The following FLT1 variants were observed in gnomAD, a reference collection of about 807,000 sequenced individuals.
The protein encoded by FLT1 is vascular endothelial growth factor receptor 1.
FLT1 carries 49 observed loss-of-function variants against 156.3 expected under a neutral mutation model. That is an observed-to-expected ratio of 0.31 (90% CI 0.25 to 0.40). The LOEUF (loss-of-function observed/expected upper bound fraction) is 0.40. FLT1 is among the 10% of genes least tolerant of loss of function. The pLI is 1.00. For missense variants in FLT1, 1,322 were observed against 1,637.2 expected, an observed-to-expected ratio of 0.81 and a Z score of 3.32; for synonymous variants, 594 against 583.8, an observed-to-expected ratio of 1.02 and a Z score of -0.25.
At chr13:28,348,912 G>A (rs1003471277) in intron 15 of FLT1, among the ~76,000 whole-genome samples, 2 of 140,604 alleles carry the variant, frequency 1.4e-5, no homozygotes, top group African/African-American at 2.9e-5. Flanking sequence ...GCGAGACTCC[G>A]TCTCAAAAAA....
At position 28,450,216 on chromosome 13, in the gene FLT1, T is replaced by C. The variant is rs570221111; in HGVS notation, c.389-11871A>G. On this transcript the variant is annotated intron_variant, in intron 3 of 29. Transcript: ENST00000282397. Reference sequence around the variant, plus strand: ...CACACCTCACACACAAGAATGCTCATGTTGATTAGAGGAAACAGTACTGAT... The same window carrying C: ...CACACCTCACACACAAGAATGCTCACGTTGATTAGAGGAAACAGTACTGAT... Among the ~76,000 whole-genome samples the C allele has an allele frequency of 5.3e-4, 81 of 152,224 alleles. 1 individual carries two copies. The highest frequency in any genetic ancestry group is 1.8e-3 in the African/African-American group (75 of 41,534).
rs903344244 is a variant in FLT1 at position 28,439,880 on chromosome 13, T to C, written c.389-1535A>G. 1.3e-5 allele frequency among the ~76,000 whole-genome samples: 2 copies of C among 152,320 alleles called. No homozygotes were observed. The highest frequency in any genetic ancestry group is 6.5e-5 in the Admixed American group (1 of 15,300). ...TAGAGTTTCCAGAACTGTGAGATAATACATTTCTGTAGTTTTAAGCCAAAA... is the reference window on the plus strand; with the variant it reads ...TAGAGTTTCCAGAACTGTGAGATAACACATTTCTGTAGTTTTAAGCCAAAA... On this transcript the variant is annotated intron_variant, in intron 3 of 29. Coordinates refer to ENST00000282397, the MANE Select transcript of FLT1 (RefSeq NM_002019.4). This position sits in a 1 kb window ranked among gnomAD's most constrained non-coding sequence, Gnocchi z 4.1.
At chr13:28,488,665 C>T (rs570291830) in intron 1 of FLT1, among the ~76,000 whole-genome samples, 1 of 152,042 alleles carries the variant, frequency 6.6e-6, no homozygotes, top group Non-Finnish European at 1.5e-5. Context: ...CCAGCTCGAG[C>T]CCAAGCCATG....
At chr13:28,469,297 G>T (rs1192016743) in intron 1 of FLT1, among the ~76,000 whole-genome samples, 4 of 152,180 alleles carry the variant, frequency 2.6e-5, no homozygotes. Flanking sequence ...GGTCATGGAG[G>T]GTTTACCATT....
chr13:28,470,393 G>A (rs1593830743), intron 1 of FLT1, among the ~76,000 whole-genome samples: 1 of 152,096 alleles, frequency 6.6e-6, no homozygotes, highest in South Asian at 2.1e-4. Flanking sequence ...GAACTCTGGG[G>A]ATTTAATTGA....
intron 4 of FLT1, among the ~76,000 whole-genome samples, chr13:28,434,776 G>C (rs186784252): frequency 6.6e-6 from 1 of 152,144 alleles, no homozygotes; most frequent in South Asian, 2.1e-4. Context: ...CCAGCCTCTC[G>C]GGAGGCTGAG....
At chr13:28,334,759 G>A (rs1363001798) in intron 17 of FLT1, among the ~76,000 whole-genome samples, 1 of 152,174 alleles carries the variant, frequency 6.6e-6, no homozygotes, top group Non-Finnish European at 1.5e-5. Flanking sequence ...CCCCAGAGAG[G>A]TAGTTGCTAA....
In FLT1 at chr13:28,432,332, G is replaced by A. The variant is rs561600985; in HGVS notation, c.814-1022C>T. ...TCCCCATTGGAACAGACAGACACAT[G>A]TTGAGGCCATTTTCTTCATTCTCAG... On this transcript the variant is annotated intron_variant, in intron 6 of 29. Transcript: ENST00000282397. Among the ~76,000 whole-genome samples the A allele has an allele frequency of 5.9e-5, 9 of 152,224 alleles. No homozygotes were observed. The South Asian group carries it at 1.9e-3, about 32-fold the overall frequency.
chr13:28,426,211 G>A (rs1174899973), intron 10 of FLT1, among the ~76,000 whole-genome samples: 1 of 150,762 alleles, frequency 6.6e-6, no homozygotes, highest in Non-Finnish European at 1.5e-5. Flanking sequence ...AAATAGTTTG[G>A]CATAATGATA....
intron 14 of FLT1, among the ~76,000 whole-genome samples, chr13:28,376,631 T>C (rs1262155980): frequency 6.6e-6 from 1 of 152,210 alleles, no homozygotes; most frequent in Non-Finnish European, 1.5e-5. Flanking sequence ...ATAGGCCTTC[T>C]GCCATATATT....
intron 10 of FLT1, among the ~76,000 whole-genome samples, chr13:28,411,460 C>A (rs568027889): frequency 2.0e-5 from 3 of 147,712 alleles, no homozygotes; most frequent in Admixed American, 1.4e-4. Flanking sequence ...GCAGGAGAAT[C>A]GCTTGAACCT....
At chr13:28,387,471 C>T (rs928493057) in intron 13 of FLT1, 26 of 1,059,464 alleles carry the variant, frequency 2.5e-5, no homozygotes, top group Middle Eastern at 8.5e-4. Flanking sequence ...AACAGTGTAG[C>T]TGATCCCTTC....
chr13:28,416,992 G>A (rs1360558405), intron 10 of FLT1, among the ~76,000 whole-genome samples: 1 of 152,154 alleles, frequency 6.6e-6, no homozygotes, highest in Non-Finnish European at 1.5e-5. Flanking sequence ...GGCATGGAGG[G>A]TAGAGTTTCT....
intron 29 of FLT1, among the ~76,000 whole-genome samples, chr13:28,304,809 T>A (rs1870671948): frequency 1.3e-5 from 2 of 152,240 alleles, no homozygotes; most frequent in South Asian, 4.1e-4. Flanking sequence ...TATGACTGGC[T>A]TCTTTTACTT....
intron 3 of FLT1, among the ~76,000 whole-genome samples, chr13:28,438,720 A>G (rs907391871): frequency 6.6e-6 from 1 of 152,224 alleles, no homozygotes; most frequent in Non-Finnish European, 1.5e-5. Context: ...AGCGCCCTCC[A>G]GAGCCTTTGT....
intron 14 of FLT1, among the ~76,000 whole-genome samples, chr13:28,367,351 C>T (rs1873338189): frequency 6.6e-6 from 1 of 152,182 alleles, no homozygotes; most frequent in Non-Finnish European, 1.5e-5. Flanking sequence ...GACGATGAAA[C>T]TCAGTGTGAG....
At chr13:28,408,699 A>G (rs1413883369) in intron 10 of FLT1, among the ~76,000 whole-genome samples, 1 of 152,186 alleles carries the variant, frequency 6.6e-6, no homozygotes, top group Non-Finnish European at 1.5e-5. Context: ...GGAAGTCCAC[A>G]GCACCTCCTG....
chr13:28,397,320 C>T (rs1221591074), intron 11 of FLT1, among the ~76,000 whole-genome samples: 1 of 152,146 alleles, frequency 6.6e-6, no homozygotes, highest in Non-Finnish European at 1.5e-5. Flanking sequence ...GCTTATTTAT[C>T]TCGTGCTGCT....
At chr13:28,493,741 C>T (rs1221359379) in intron 1 of FLT1, among the ~76,000 whole-genome samples, 1 of 152,220 alleles carries the variant, frequency 6.6e-6, no homozygotes, top group Non-Finnish European at 1.5e-5. Flanking sequence ...GAGTCCGAAC[C>T]CTCAAGTTCC....
Sources: gnomAD v4.1 joint callset for allele counts (sites outside exome capture counted in the v4.1 genomes callset) on GRCh38, gnomAD v4.1.1 for gene constraint, Gnocchi (gnomAD v3.1) non-coding constraint, MANE v1.5 for transcripts, NCBI Gene and HGNC (gene_info 2026-07-23, HGNC 2026-07-21) for gene names.